The following ZNF618 variants were observed in gnomAD, a reference collection of about 807,000 sequenced individuals.
ZNF618 encodes the protein zinc finger protein 618.
A neutral mutation model predicts 103.0 loss-of-function variants in ZNF618; 34 were observed. That is an observed-to-expected ratio of 0.33 (90% CI 0.25 to 0.44). The LOEUF (loss-of-function observed/expected upper bound fraction) is 0.44. ZNF618 is among the 20% of genes least tolerant of loss of function. The probability of loss-of-function intolerance (pLI) is 1.00; values close to 1 mark genes in which losing one functional copy is unlikely to be tolerated. For synonymous variants in ZNF618, 551 were observed against 542.2 expected (o/e 1.02, Z -0.23); for missense variants, 1,059 against 1,295.4 (o/e 0.82, Z 2.80).
At chr9:113,990,542 C>T (rs897675394) in intron 3 of ZNF618, among the ~76,000 whole-genome samples, 39 of 152,216 alleles carry the variant, frequency 2.6e-4, no homozygotes, top group African/African-American at 8.4e-4. Context: ...TCACACTACA[C>T]GTCCATTGTG....
intron 3 of ZNF618, among the ~76,000 whole-genome samples, chr9:113,989,321 G>A (rs1588253647): frequency 2.6e-5 from 4 of 152,338 alleles, no homozygotes; most frequent in East Asian, 1.9e-4. Context: ...GTGGGGATAC[G>A]GCTCAGCGTT....
chr9:113,985,599 C>T (rs188969263), intron 2 of ZNF618, among the ~76,000 whole-genome samples: 29 of 152,348 alleles, frequency 1.9e-4, no homozygotes, highest in Admixed American at 1.8e-3. Context: ...AGGGAACCTA[C>T]TGTCCTCCTG....
At chr9:113,912,328 A>ATTAGGATGGGG (rs1348887384) in intron 1 of ZNF618, among the ~76,000 whole-genome samples, 1 of 151,928 alleles carries the variant, frequency 6.6e-6, no homozygotes, top group East Asian at 1.9e-4. Context: ...TTAGGATGGG[A>ATTAGGATGGGG]TTAGGATGGG....
chr9:113,979,689 C>G (rs567157666), intron 2 of ZNF618, among the ~76,000 whole-genome samples: 1 of 152,334 alleles, frequency 6.6e-6, no homozygotes, highest in South Asian at 2.1e-4. Context: ...GTCCTTGGTT[C>G]ACTTGGTAAA....
chr9:114,032,010 G>A (rs553521045), intron 11 of ZNF618, among the ~76,000 whole-genome samples: 1 of 152,344 alleles, frequency 6.6e-6, no homozygotes, highest in East Asian at 1.9e-4. Context: ...GGGCCCCTCA[G>A]GTAGATGGCA....
chr9:113,897,862 C>T (rs938841036), intron 1 of ZNF618, among the ~76,000 whole-genome samples: 59 of 152,150 alleles, frequency 3.9e-4, no homozygotes, highest in African/African-American at 1.3e-3. Flanking sequence ...GGCACGATCT[C>T]GGCTCACTGC....
chr9:113,893,812 C>T (rs771383320), intron 1 of ZNF618, among the ~76,000 whole-genome samples: 4 of 152,060 alleles, frequency 2.6e-5, no homozygotes, highest in Non-Finnish European at 4.4e-5. Flanking sequence ...ACAGTCCCAA[C>T]GAGAGATTAT....
Position 114,053,336 on chromosome 9 carries a change from C to G in ZNF618, c.*3169C>G, listed in dbSNP as rs1306629755. 4 of 152,400 alleles carry G rather than the reference C, an allele frequency of 2.6e-5. No homozygotes were observed. Among genetic ancestry groups the G allele is most frequent in the Non-Finnish European group, 5.9e-5 (4 of 68,108 alleles). The allele number at this position is 152,400 out of a possible 1,614,324, so 9.4% of individuals were successfully genotyped here. ...CTGGAAGGATTTTGTCGTCTGCCTC[C>G]CAGTTCTGGGTCCACTGTAGGTCTT... On this transcript the variant is annotated 3_prime_UTR_variant, in exon 15 of 15. Transcript: ENST00000374126.
At chr9:113,903,907 C>T (rs1419391074) in intron 1 of ZNF618, among the ~76,000 whole-genome samples, 1 of 151,328 alleles carries the variant, frequency 6.6e-6, no homozygotes, top group Non-Finnish European at 1.5e-5. Context: ...GTGTCTGTTT[C>T]TTCTGCTTGG....
intron 12 of ZNF618, among the ~76,000 whole-genome samples, chr9:114,034,530 C>G (rs185193543): frequency 6.6e-6 from 1 of 152,340 alleles, no homozygotes; most frequent in East Asian, 1.9e-4. Flanking sequence ...CTGTCTTCCT[C>G]CTTTCCACAG....
At chr9:113,952,346 C>T (rs914173957) in intron 1 of ZNF618, among the ~76,000 whole-genome samples, 6 of 152,222 alleles carry the variant, frequency 3.9e-5, no homozygotes, top group African/African-American at 1.4e-4. Context: ...CCCTTCCCTG[C>T]ACACTGAGTA....
chr9:113,902,930 G>T (rs889407251), intron 1 of ZNF618, among the ~76,000 whole-genome samples: 2 of 152,162 alleles, frequency 1.3e-5, no homozygotes, highest in African/African-American at 4.8e-5. Flanking sequence ...AAATAAAACT[G>T]CAATGAACAT....
intron 3 of ZNF618, among the ~76,000 whole-genome samples, chr9:113,997,093 CTTCTTCTTTT>C (rs1169933550): frequency 2.8e-4 from 43 of 151,290 alleles, no homozygotes; most frequent in Non-Finnish European, 5.5e-4. Flanking sequence ...CTTCTTTCTT[CTTCTTCTTTT>C]TTCTTCTTTC....
chr9:113,935,008 C>T lies in ZNF618; in HGVS notation c.34-34109C>T, dbSNP rs559300357. Among the ~76,000 whole-genome samples, 13 of 152,310 alleles carry T rather than the reference C, an allele frequency of 8.5e-5. 1 individual carries two copies. Among genetic ancestry groups the T allele is most frequent in the African/African-American group, 3.1e-4 (13 of 41,576 alleles). On this transcript the variant is annotated intron_variant, in intron 1 of 14. Transcript: ENST00000374126. The stretch of plus-strand genomic sequence containing the variant: ...AGGGTCCCTCACAAGCCTGGCTGTC[C>T]CCAGGTGCAAGCCCAAGGGGCATAA...
rs1228804207 is a variant in ZNF618 at position 114,007,387 on chromosome 9, G to A, written c.588G>A (p.Lys196=). ...FRYTCDICGK[K]YKYYSCFQEH... is the part of the protein sequence containing the mutation. ...ACACATGTGATATCTGCGGGAAGAAGTACAAATACTACAGCTGTTTCCAAG... is the reference window on the plus strand; with the variant it reads ...ACACATGTGATATCTGCGGGAAGAAATACAAATACTACAGCTGTTTCCAAG... The change falls in exon 7 of 15, where the codon AAG becomes AAA. Residue 196 remains lysine, a synonymous_variant. Coordinates refer to ENST00000374126, the MANE Select transcript of ZNF618 (RefSeq NM_001318042.2). The A allele has an allele frequency of 1.2e-6, 2 of 1,613,868 alleles. No individual in the cohort carries two copies. Among genetic ancestry groups the A allele is most frequent in the East Asian group, 2.2e-5 (1 of 44,884 alleles).
In ZNF618 at chr9:113,953,073, C is replaced by G. The variant is rs148549087; in HGVS notation, c.34-16044C>G. Among the ~76,000 whole-genome samples, 29 of 152,262 alleles carry G rather than the reference C, an allele frequency of 1.9e-4. No homozygotes were observed. The East Asian group carries it at 5.4e-3, about 28-fold the overall frequency. On this transcript the variant is annotated intron_variant, in intron 1 of 14. Transcript: ENST00000374126. ...TACATGCAATATAAAAACTCTGCTC[C>G]CAGGGTCTACTGTATTAAAAAGGCA...
chr9:114,047,077 G>A (rs1056444588), intron 13 of ZNF618, among the ~76,000 whole-genome samples: 1 of 152,234 alleles, frequency 6.6e-6, no homozygotes, highest in African/African-American at 2.4e-5. Flanking sequence ...CATGGGTAGT[G>A]ACAAGAATGT....
chr9:113,984,193 G>A (rs10817544), intron 2 of ZNF618, among the ~76,000 whole-genome samples: 41,031 of 152,082 alleles, frequency 0.27, 6,961 homozygotes, highest in East Asian at 0.6. Context: ...GGGGACGAGC[G>A]AGTCAAGATG....
chr9:113,931,647 A>C (rs143793585), intron 1 of ZNF618, among the ~76,000 whole-genome samples: 1 of 152,314 alleles, frequency 6.6e-6, no homozygotes, highest in African/African-American at 2.4e-5. Context: ...GAGCCCTTGA[A>C]ACTTGGCTAG....
Sources: gnomAD v4.1 joint callset for allele counts (sites outside exome capture counted in the v4.1 genomes callset) on GRCh38, gnomAD v4.1.1 for gene constraint, MANE v1.5 for transcripts, NCBI Gene and HGNC (gene_info 2026-07-23, HGNC 2026-07-21) for gene names.